Variants in CALCR observed in about 807,000 individuals in gnomAD.
CALCR encodes the protein calcitonin receptor.
Under a neutral mutation model 59.5 loss-of-function variants are expected in CALCR, and 47 were observed. The observed-to-expected ratio is 0.79, with a 90% CI of 0.63 to 1.01. The LOEUF (loss-of-function observed/expected upper bound fraction) is 1.01, where lower values mean the gene tolerates loss of function less well. CALCR is among the 50% of genes least tolerant of loss of function. The pLI, the probability that CALCR is intolerant of heterozygous loss-of-function variation, is 0.00. For synonymous variants in CALCR, 213 were observed against 211.3 expected (o/e 1.01, Z -0.07); for missense variants, 566 against 597.1 (o/e 0.95, Z 0.54).
intron 2 of CALCR, among the ~76,000 whole-genome samples, chr7:93,501,850 A>C (rs2023772): frequency 0.59 from 90,084 of 151,918 alleles, 28,377 homozygotes; most frequent in African/African-American, 0.82. Flanking sequence ...TCTCCAACTG[A>C]CAGTTGACTC....
At chr7:93,522,050 A>G (rs1308353588) in intron 2 of CALCR, among the ~76,000 whole-genome samples, 1 of 152,154 alleles carries the variant, frequency 6.6e-6, no homozygotes, top group African/African-American at 2.4e-5. Flanking sequence ...TTCCATAATT[A>G]TAAGTATGTA....
intron 2 of CALCR, among the ~76,000 whole-genome samples, chr7:93,554,642 C>T (rs1789544278): frequency 6.6e-6 from 1 of 151,600 alleles, no homozygotes; most frequent in African/African-American, 2.4e-5. Context: ...AAGTTTAAGA[C>T]CCATTAGCAG....
chr7:93,436,300 A>T, intron 11 of CALCR, 130 bp from the exon 12 acceptor site: 1 of 714,040 alleles, frequency 1.4e-6, no homozygotes, highest in Non-Finnish European at 2.3e-6. Context: ...AGTCTACCTG[A>T]GAGGTAGCAC....
intron 3 of CALCR, among the ~76,000 whole-genome samples, chr7:93,484,457 G>A (rs927189000): frequency 6.6e-6 from 1 of 151,746 alleles, no homozygotes; most frequent in African/African-American, 2.4e-5. Flanking sequence ...TAAAAAGTAT[G>A]TAAACCTAGA....
intron 2 of CALCR, among the ~76,000 whole-genome samples, chr7:93,532,591 T>A (rs933221708): frequency 6.6e-6 from 1 of 152,050 alleles, no homozygotes; most frequent in East Asian, 1.9e-4. Flanking sequence ...CAATGGCTGA[T>A]ATACATGAAA....
rs573004392 is a variant in CALCR at position 93,435,886 on chromosome 7, T to G, written c.1149+66A>C. 5.6e-6 allele frequency: 4 copies of G among 715,130 alleles called. No individual in the cohort carries two copies. The Admixed American group carries it at 6.3e-5, about 11-fold the overall frequency. The allele number at this position is 715,130 out of a possible 1,614,324, so 44.3% of individuals were successfully genotyped here. On this transcript the variant is annotated intron_variant, in intron 12 of 13. Coordinates refer to ENST00000426151, the MANE Select transcript of CALCR (RefSeq NM_001742.4). Reference sequence around the variant, plus strand: ...AAATAATAATAAAAGATCATGGGCTTTAGAGTTAAAATCAGCTAGCTGAAT... The same window carrying G: ...AAATAATAATAAAAGATCATGGGCTGTAGAGTTAAAATCAGCTAGCTGAAT...
rs1258148094 is a variant in CALCR, at chr7:93,485,113, G to A, written c.51+1818C>T. On this transcript the variant is annotated intron_variant, in intron 3 of 13. Coordinates refer to ENST00000426151, the MANE Select transcript of CALCR (RefSeq NM_001742.4). ...AAGTGTCAGTGTGAACATAATAAACGTTTTGAAGAAAATGGACATATCAAA... is the reference window on the plus strand; with the variant it reads ...AAGTGTCAGTGTGAACATAATAAACATTTTGAAGAAAATGGACATATCAAA... Among the ~76,000 whole-genome samples, 7 of 151,696 alleles carry A rather than the reference G, an allele frequency of 4.6e-5. No homozygotes were observed. The South Asian group carries it at 6.2e-4, about 13-fold the overall frequency.
chr7:93,445,042 A>G (rs1452102819), intron 8 of CALCR, among the ~76,000 whole-genome samples: 2 of 152,086 alleles, frequency 1.3e-5, no homozygotes, highest in African/African-American at 4.8e-5. Context: ...TATTGAACAT[A>G]GGGAAAAGCC....
chr7:93,542,870 A>C (rs1222616315), intron 2 of CALCR, among the ~76,000 whole-genome samples: 1 of 152,124 alleles, frequency 6.6e-6, no homozygotes, highest in Non-Finnish European at 1.5e-5. Flanking sequence ...AGGGGCAATA[A>C]AACACATGGA....
chr7:93,568,509 T>TTCTCTCTCTCTCTCTCTCTC lies in CALCR; in HGVS notation c.-27+5760_-27+5779dup, dbSNP rs4015269. ...CCTCCCTGGTTTCCATAAAATTACT[T>TTCTCTCTCTCTCTCTCTCTC]TCTCTCTCTCTCTCTCTCTCTCTCT... On this transcript the variant is annotated intron_variant, in intron 2 of 13. Transcript: ENST00000426151. Among the ~76,000 whole-genome samples the TTCTCTCTCTCTCTCTCTCTC allele has an allele frequency of 3.4e-4, 35 of 102,424 alleles. 2 individuals are homozygous for TTCTCTCTCTCTCTCTCTCTC. The East Asian group carries it at 5.4e-3, about 16-fold the overall frequency. 67.2% of individuals were successfully genotyped at this position (102,424 alleles called of 152,430 possible).
chr7:93,568,509 T>TTCTCTCTCCCTCTCTCTCTCTC (rs1789919325), intron 2 of CALCR, among the ~76,000 whole-genome samples: 1 of 102,384 alleles, frequency 9.8e-6, no homozygotes, highest in East Asian at 3.6e-4. Context: ...TAAAATTACT[T>TTCTCTCTCCCTCTCTCTCTCTC]TCTCTCTCTC....
chr7:93,537,275 C>T (rs1004223632), intron 2 of CALCR, among the ~76,000 whole-genome samples: 5 of 151,714 alleles, frequency 3.3e-5, no homozygotes, highest in East Asian at 1.9e-4. Context: ...TCATTGCCAC[C>T]ATCTTCTAAT....
At chr7:93,463,022 T>C (rs1395440110) in intron 7 of CALCR, among the ~76,000 whole-genome samples, 3 of 152,112 alleles carry the variant, frequency 2.0e-5, no homozygotes, top group Non-Finnish European at 4.4e-5. Context: ...TTTAAAAATG[T>C]ATTTAAGAAA....
intron 2 of CALCR, among the ~76,000 whole-genome samples, chr7:93,542,537 CTT>C (rs1208884847): frequency 6.6e-6 from 1 of 152,108 alleles, no homozygotes; most frequent in African/African-American, 2.4e-5. Flanking sequence ...ACACTGTACA[CTT>C]AGCCTACACA....
intron 2 of CALCR, among the ~76,000 whole-genome samples, chr7:93,529,429 A>G (rs1489460534): frequency 6.6e-6 from 1 of 152,148 alleles, no homozygotes; most frequent in African/African-American, 2.4e-5. Context: ...TGAGTTAATT[A>G]AACCTCTTTT....
At chr7:93,491,651 A>T (rs1801079524) in intron 2 of CALCR, among the ~76,000 whole-genome samples, 1 of 151,962 alleles carries the variant, frequency 6.6e-6, no homozygotes, top group African/African-American at 2.4e-5. Context: ...CATGAAATAA[A>T]GCTCAACATC....
intron 2 of CALCR, among the ~76,000 whole-genome samples, chr7:93,500,302 T>G (rs1021994777): frequency 3.3e-5 from 5 of 151,934 alleles, no homozygotes; most frequent in African/African-American, 1.2e-4. Flanking sequence ...CCAGTTTAAT[T>G]TCTCTTAGTC....
At chr7:93,551,680 G>A (rs190012531) in intron 2 of CALCR, among the ~76,000 whole-genome samples, 42 of 152,284 alleles carry the variant, frequency 2.8e-4, no homozygotes, top group African/African-American at 9.9e-4. Flanking sequence ...TTTGTGGGGA[G>A]CATCTCCTGG....
At chr7:93,565,036 G>T (rs552995886) in intron 2 of CALCR, among the ~76,000 whole-genome samples, 2 of 152,290 alleles carry the variant, frequency 1.3e-5, no homozygotes, top group South Asian at 2.1e-4. Context: ...ACAATGTAAT[G>T]CAGAGCCACT....
Sources: allele counts gnomAD v4.1 joint callset (sites outside exome capture counted in the v4.1 genomes callset), GRCh38; gene constraint gnomAD v4.1.1; transcripts MANE v1.5; gene names NCBI Gene and HGNC (gene_info 2026-07-23, HGNC 2026-07-21).